The following PRX variants were observed in gnomAD, a reference collection of about 807,000 sequenced individuals.
PRX encodes periaxin.
PRX carries 24 observed loss-of-function variants against 29.6 expected under a neutral mutation model. The observed-to-expected ratio is 0.81, with a 90% CI of 0.59 to 1.14. PRX has a LOEUF of 1.14. PRX is among the 50% of genes most tolerant of loss of function. The pLI, the probability that PRX is intolerant of heterozygous loss-of-function variation, is 0.00. For synonymous variants in PRX, 772 were observed against 831.7 expected, an observed-to-expected ratio of 0.93 and a Z score of 1.24; for missense variants, 1,838 against 1,926.4, an observed-to-expected ratio of 0.95 and a Z score of 0.86.
At position 40,398,801 on chromosome 19, in the gene PRX, C is replaced by G. The variant is rs1568710768; in HGVS notation, c.200G>C (p.Ser67Thr). 1.9e-6 allele frequency: 3 copies of G among 1,613,974 alleles called. No individual in the cohort carries two copies. The highest frequency in any genetic ancestry group is 2.7e-5 in the African/African-American group (2 of 74,930). Reference protein sequence around the residue: ...LSLQEGDQLLSARVFFENFKY... With the variant: ...LSLQEGDQLLTARVFFENFKY... The stretch of plus-strand genomic sequence containing the variant: ...GAAGTTCTCGAAGAACACTCGGGCA[C>G]TCAGCAGCTGGTCCCCTGCGGGCGA... The change falls in exon 6 of 7, where the codon AGT (serine) becomes ACT (threonine). Residue 67 changes from serine (S) to threonine (T), a missense_variant. By Grantham distance (58) the Ser-to-Thr change is moderately conservative (BLOSUM62 1). This residue lies in a region of PRX where 666 missense variants were observed against 665.0 expected (regional missense o/e 1.00). Coordinates refer to ENST00000324001, the MANE Select transcript of PRX (RefSeq NM_181882.3). This position sits in a 1 kb window ranked among gnomAD's most constrained non-coding sequence, Gnocchi z 6.3.
chr19:40,396,032 C>A lies in PRX; in HGVS notation c.2320G>T (p.Val774Leu), dbSNP rs565407328. The part of the protein sequence containing the change: ...PDVHLPKAPE[V>L]KLPRAPEVQL... ...ACCTCCGGAGCCCTGGGCAGCTTCA[C>A]CTCTGGTGCCTTCGGAAGATGCACG... The change falls in exon 7 of 7, where the codon GTG (valine) becomes TTG (leucine). Residue 774 changes from valine to leucine, a missense_variant. By Grantham distance (32) the Val-to-Leu change is conservative (BLOSUM62 1). This residue lies in a region of PRX where 1,143 missense variants were observed against 1,193.0 expected (regional missense o/e 0.96). Coordinates refer to ENST00000324001, the MANE Select transcript of PRX (RefSeq NM_181882.3). 6.2e-6 allele frequency: 10 copies of A among 1,614,168 alleles called. No homozygotes were observed. In the African/African-American group the frequency reaches 1.2e-4, roughly 19 times the overall value.
At chr19:40,404,355 A>T (rs2079517755) in intron 4 of PRX, among the ~76,000 whole-genome samples, 1 of 144,222 alleles carries the variant, frequency 6.9e-6, no homozygotes, top group South Asian at 2.3e-4. Context: ...TGGGCTGGAG[A>T]TAACTTGAGT....
chr19:40,397,853 G>A lies in PRX; in HGVS notation c.499C>T (p.Arg167Cys), dbSNP rs10425452. The change falls in exon 7 of 7, where the codon CGT becomes TGT. Residue 167 changes from arginine (R) to cysteine (C), a missense_variant. This residue lies in a region of PRX where 666 missense variants were observed against 665.0 expected (regional missense o/e 1.00). Coordinates refer to ENST00000324001, the MANE Select transcript of PRX (RefSeq NM_181882.3). ...EFSFPKFSRL[R>C]RGLKAEAVKG... Reference sequence around the variant, plus strand: ...ACAGCCTCGGCTTTGAGGCCCCGACGCAGGCGGGAGAACTTGGGAAAGGAG... The same window carrying A: ...ACAGCCTCGGCTTTGAGGCCCCGACACAGGCGGGAGAACTTGGGAAAGGAG... 1.4e-4 allele frequency: 232 copies of A among 1,604,078 alleles called. 1 individual carries two copies. In the African/African-American group the frequency reaches 1.5e-3, roughly 11 times the overall value.
chr19:40,403,907 C>T (rs2079514402), intron 4 of PRX, 45 bp from the exon 5 acceptor site: 1 of 1,588,794 alleles, frequency 6.3e-7, no homozygotes, highest in African/African-American at 1.3e-5. Context: ...TAGGGCCGGA[C>T]CTCGCCCAGA....
In PRX at chr19:40,397,758, C is replaced by A. The variant is rs535920934; in HGVS notation, c.594G>T (p.Val198=). Residue 198 remains valine, a synonymous_variant, in exon 7 of 7, where the codon GTG becomes GTT. Transcript: ENST00000324001. Reference sequence around the variant, plus strand: ...GCCGGGCTGCCTGAGCCTCTTCGGCCACTTCTCGTACACGCAGCCGAGGCA... The same window carrying A: ...GCCGGGCTGCCTGAGCCTCTTCGGCAACTTCTCGTACACGCAGCCGAGGCA... ...LQLPRLRVRE[V]AEEAQAARLA... 71 of 1,566,150 alleles carry A rather than the reference C, an allele frequency of 4.5e-5. 1 individual carries two copies. The East Asian group carries it at 1.6e-3, about 36-fold the overall frequency.
Position 40,396,887 on chromosome 19 carries a change from C to A in PRX, c.1465G>T (p.Val489Leu). The change falls in exon 7 of 7, where the codon GTG becomes TTG. Residue 489 changes from valine (V) to leucine (L), a missense_variant. By Grantham distance (32) the Val-to-Leu change is conservative. Around this residue, in one of 3 missense-constraint regions of PRX, gnomAD observed 666 missense variants for 665.0 expected, o/e 1.00. Transcript: ENST00000324001. Reference protein sequence around the residue: ...PKVPEMAVPEVRLPEVELPKV... With the variant: ...PKVPEMAVPELRLPEVELPKV... ...GGCAGCTCTACCTCTGGAAGCCGCA[C>A]CTCCGGCACAGCCATCTCTGGCACC... The A allele has an allele frequency of 6.2e-7, 1 of 1,614,158 alleles. No homozygotes were observed. Among genetic ancestry groups the A allele is most frequent in the East Asian group, 2.2e-5 (1 of 44,876 alleles).
Position 40,397,634 on chromosome 19 carries a change from G to A in PRX, c.718C>T (p.Arg240Trp), listed in dbSNP as rs199863083. The A allele has an allele frequency of 2.8e-5, 43 of 1,543,530 alleles. No homozygotes were observed. Among genetic ancestry groups the A allele is most frequent in the African/African-American group, 2.4e-4 (18 of 73,650 alleles). The stretch of plus-strand genomic sequence containing the variant: ...ACACCCACCTCCGCCCCTGGCAGCC[G>A]CGGCCCAACCAGCTCCACCTGAGGG... ...TAPQVELVGP[R>W]LPGAEVGVPQ... The change falls in exon 7 of 7, where the codon CGG becomes TGG. Residue 240 changes from arginine to tryptophan, a missense_variant. Arg to Trp is a moderately radical substitution (Grantham distance 101). This residue lies in a region of PRX where 666 missense variants were observed against 665.0 expected (regional missense o/e 1.00). Coordinates refer to ENST00000324001, the MANE Select transcript of PRX (RefSeq NM_181882.3).
chr19:40,401,221 T>C (rs2145737974), intron 5 of PRX, among the ~76,000 whole-genome samples: 1 of 152,354 alleles, frequency 6.6e-6, no homozygotes, highest in Middle Eastern at 3.4e-3. Context: ...ATCTCTTACC[T>C]GGATAATCAC....
At position 40,397,985 on chromosome 19, in the gene PRX, G is replaced by A. The variant is rs1487858943; in HGVS notation, c.382-15C>T. ...CTCTGGATGTTCTGGGGAGAGAGGAGAGAGGCAGGAGGCGGTGGGACAGTG... is the reference window on the plus strand; with the variant it reads ...CTCTGGATGTTCTGGGGAGAGAGGAAAGAGGCAGGAGGCGGTGGGACAGTG... On this transcript the variant is annotated splice_polypyrimidine_tract_variant and intron_variant, in intron 6 of 6. Transcript: ENST00000324001. 1.1e-5 allele frequency: 18 copies of A among 1,602,024 alleles called. No homozygotes were observed. Among genetic ancestry groups the A allele is most frequent in the African/African-American group, 1.1e-4 (8 of 74,930 alleles).
Position 40,397,713 on chromosome 19 carries a change from G to C in PRX, c.639C>G (p.Pro213=), listed in dbSNP as rs1479088366. ...CAGCCTCCACCTTGGCTTTCCTGGG[G>C]GGAGGAGCGGCGGCGGCCAGCCGGG... ...QAARLAAAAP[P]PRKAKVEAEV... Residue 213 remains proline (P), a synonymous_variant, in exon 7 of 7, where the codon CCC becomes CCG. Transcript: ENST00000324001. 5.1e-6 allele frequency: 8 copies of C among 1,560,794 alleles called. No homozygotes were observed. Among genetic ancestry groups the C allele is most frequent in the African/African-American group, 1.3e-5 (1 of 74,264 alleles).
Position 40,395,981 on chromosome 19 carries a change from G to A in PRX, c.2371C>T (p.Gln791Ter). 2.5e-6 allele frequency: 4 copies of A among 1,614,098 alleles called. No individual in the cohort carries two copies. The highest frequency in any genetic ancestry group is 3.4e-6 in the Non-Finnish European group (4 of 1,180,046). The change falls in exon 7 of 7, where the codon CAG (glutamine) becomes TAG (stop). Residue 791 changes from glutamine to a stop codon, truncating the protein, a stop_gained. Transcript: ENST00000324001. LOFTEE classifies it low-confidence loss of function (END_TRUNC). ...AAGCCAAATTCCATCCCTTCTGCCT[G>A]TTCTGCCTTGGTGGCCTTTAGCTGC... The part of the protein sequence containing the change: ...EVQLKATKAE[Q>*]AEGMEFGFKM...
rs748737580 is a variant in PRX, at chr19:40,396,373, G to C, written c.1979C>G (p.Pro660Arg). 1.3e-5 allele frequency: 21 copies of C among 1,612,920 alleles called. No individual in the cohort carries two copies. The highest frequency in any genetic ancestry group is 1.6e-5 in the Non-Finnish European group (19 of 1,179,796). ...AGGGAGTTTCATCTCTGGGACTTTC[G>C]GGAGCTGCACTTCCGGGAGGTGCAC... is the stretch of plus-strand genomic sequence containing the variant. ...PDVHLPEVQL[P>R]KVPEMKLPKM... The change falls in exon 7 of 7, where the codon CCG becomes CGG. Residue 660 changes from proline to arginine, a missense_variant. Pro to Arg is a moderately radical substitution (Grantham distance 103). Around this residue, in one of 3 missense-constraint regions of PRX, gnomAD observed 1,143 missense variants for 1,193.0 expected, o/e 0.96. Coordinates refer to ENST00000324001, the MANE Select transcript of PRX (RefSeq NM_181882.3).
At chr19:40,401,786 T>A (rs1224280861) in intron 5 of PRX, among the ~76,000 whole-genome samples, 6 of 146,172 alleles carry the variant, frequency 4.1e-5, no homozygotes, top group Non-Finnish European at 7.6e-5. Context: ...TTTTTTTTTT[T>A]AGGCGGAGTT....
chr19:40,402,590 T>C (rs1306104902), intron 5 of PRX, among the ~76,000 whole-genome samples: 1 of 149,044 alleles, frequency 6.7e-6, no homozygotes, highest in Non-Finnish European at 1.5e-5. Context: ...GCTAACACGG[T>C]GAAACCTCGT....
At position 40,397,343 on chromosome 19, in the gene PRX, G is replaced by C. The variant is rs1383856284; in HGVS notation, c.1009C>G (p.Leu337Val). The change falls in exon 7 of 7, where the codon CTG (leucine) becomes GTG (valine). Residue 337 changes from leucine to valine, a missense_variant. By Grantham distance (32) the Leu-to-Val change is conservative. Around this residue, in one of 3 missense-constraint regions of PRX, gnomAD observed 666 missense variants for 665.0 expected, o/e 1.00. Transcript: ENST00000324001. ...TCCACCTCTGCACCCGGCAAGGCCA[G>C]GTCCACCCCCACAGTCGGTGCTGCC... ...DVAAPTVGVD[L>V]ALPGAEVEAR... 6.2e-7 allele frequency: 1 copy of C among 1,613,054 alleles called. No individual in the cohort carries two copies. Among genetic ancestry groups the C allele is most frequent in the African/African-American group, 1.3e-5 (1 of 75,058 alleles).
At chr19:40,403,678 C>T in intron 5 of PRX, 28 bp downstream of exon 5, 1 of 1,531,654 alleles carries the variant, frequency 6.5e-7, no homozygotes, top group Non-Finnish European at 8.8e-7. Flanking sequence ...CGCAGTTCGA[C>T]CCCGCCCCAC....
At chr19:40,408,846 TGA>T (rs974978665) in intron 1 of PRX, among the ~76,000 whole-genome samples, 122 of 148,238 alleles carry the variant, frequency 8.2e-4, no homozygotes, top group South Asian at 6.1e-3. Flanking sequence ...TGTGTGTGTG[TGA>T]GAGAGAGAGT....
At chr19:40,412,067 G>A (rs533627450) in intron 1 of PRX, among the ~76,000 whole-genome samples, 66 of 152,300 alleles carry the variant, frequency 4.3e-4, no homozygotes, top group South Asian at 2.5e-3. Flanking sequence ...GTTGTCATTC[G>A]GAGGCTGCTG....
Position 40,398,308 on chromosome 19 carries a change from A to G in PRX, c.381+312T>C. 5 of 1,421,834 alleles carry G rather than the reference A, an allele frequency of 3.5e-6. No homozygotes were observed. Among genetic ancestry groups the G allele is most frequent in the Non-Finnish European group, 4.6e-6 (5 of 1,091,980 alleles). The allele number at this position is 1,421,834 out of a possible 1,614,324, so 88.1% of individuals were successfully genotyped here. A position where few individuals can be genotyped will look rare whatever the true frequency, so the allele number is the denominator to read the frequency against. ...CTTTGTCCAGGGCCACTCAGCAGTA[A>G]TTGGGCCAGCACTCAGGCTGGAATC... On this transcript the variant is annotated intron_variant, in intron 6 of 6. Coordinates refer to ENST00000324001, the MANE Select transcript of PRX (RefSeq NM_181882.3). This position sits in a 1 kb window ranked among gnomAD's most constrained non-coding sequence, Gnocchi z 6.3.
Sources: gnomAD v4.1 joint callset for allele counts (sites outside exome capture counted in the v4.1 genomes callset) on GRCh38, gnomAD v4.1.1 for gene constraint, gnomAD v4.1.1 regional missense constraint, Gnocchi (gnomAD v3.1) non-coding constraint, MANE v1.5 for transcripts, NCBI Gene and HGNC (gene_info 2026-07-23, HGNC 2026-07-21) for gene names.